Variants in SLC44A5 observed in about 807,000 individuals in gnomAD.
SLC44A5 encodes solute carrier family 44 member 5.
In SLC44A5, 57 loss-of-function variants were observed where a neutral mutation model predicts 101.8. The ratio of observed to expected loss-of-function variants is 0.56; its 90% CI spans 0.45 to 0.70. SLC44A5 has a LOEUF of 0.70. Among genes scored for constraint, SLC44A5 ranks in the 30% least tolerant of loss-of-function variants. SLC44A5 has a pLI of 0.00. For synonymous variants in SLC44A5, 281 were observed against 290.9 expected, an observed-to-expected ratio of 0.97 and a Z score of 0.35; for missense variants, 737 against 853.1, an observed-to-expected ratio of 0.86 and a Z score of 1.70.
At chr1:75,615,758 CACTTGGCCGCGCCTGGATGTAA>C, upstream of SLC44A5, 1 of 745,782 alleles carries the variant, frequency 1.3e-6, no homozygotes, top group Non-Finnish European at 1.6e-6. Flanking sequence ...AGGAGCCTTC[CACTTGGCCGCGCCTGGATGTAA>C]ACAGGCCGGC....
chr1:75,714,521 C>G, the SLC44A5 span, among the ~76,000 whole-genome samples: 8 of 152,128 alleles, frequency 5.3e-5, no homozygotes, highest in African/African-American at 1.9e-4. Context: ...ATAAAAGGCA[C>G]CCAAGTAGAA....
intron 2 of SLC44A5, among the ~76,000 whole-genome samples, chr1:75,509,943 C>T (rs1669474980): frequency 6.6e-6 from 1 of 152,190 alleles, no homozygotes; most frequent in Non-Finnish European, 1.5e-5. Flanking sequence ...CACAGTTCCA[C>T]ATGACTGGGG....
At chr1:75,281,339 A>G (rs928486609) in intron 5 of SLC44A5, among the ~76,000 whole-genome samples, 2 of 152,026 alleles carry the variant, frequency 1.3e-5, no homozygotes, top group African/African-American at 4.8e-5. Context: ...AACTTGAGAG[A>G]GATGATTTAG....
At chr1:75,469,609 C>T (rs1666996535) in intron 2 of SLC44A5, among the ~76,000 whole-genome samples, 1 of 152,056 alleles carries the variant, frequency 6.6e-6, no homozygotes, top group East Asian at 1.9e-4. Context: ...GATAAGGTGT[C>T]CTGGCTTTGA....
intron 4 of SLC44A5, among the ~76,000 whole-genome samples, chr1:75,302,816 C>A (rs1654600268): frequency 6.6e-6 from 1 of 152,134 alleles, no homozygotes; most frequent in Non-Finnish European, 1.5e-5. Context: ...GGCAAAAGGG[C>A]AGGCAGGTTA....
At chr1:75,506,640 G>C (rs1669274204) in intron 2 of SLC44A5, among the ~76,000 whole-genome samples, 1 of 151,950 alleles carries the variant, frequency 6.6e-6, no homozygotes, top group African/African-American at 2.4e-5. Flanking sequence ...TTGACTCTCA[G>C]CTTGAATGTT....
chr1:75,617,967 G>C, the SLC44A5 span, among the ~76,000 whole-genome samples: 6 of 152,164 alleles, frequency 3.9e-5, no homozygotes, highest in African/African-American at 1.4e-4. Context: ...GAGTTGAAAA[G>C]CAGGTCCTGT....
intron 3 of SLC44A5, among the ~76,000 whole-genome samples, chr1:75,376,401 AAG>A (rs969275265): frequency 2.6e-5 from 4 of 152,222 alleles, no homozygotes; most frequent in Non-Finnish European, 2.9e-5. Context: ...GACAAACAAA[AAG>A]ACAGCAGTAA....
intron 1 of SLC44A5, among the ~76,000 whole-genome samples, chr1:75,576,393 C>A (rs1447780022): frequency 6.6e-6 from 1 of 151,846 alleles, no homozygotes; most frequent in Non-Finnish European, 1.5e-5. Context: ...CCACTCACTG[C>A]AAGCTCCACC....
chr1:75,267,858 A>G (rs936389859), intron 6 of SLC44A5, among the ~76,000 whole-genome samples: 1 of 152,116 alleles, frequency 6.6e-6, no homozygotes, highest in Admixed American at 6.5e-5. Context: ...GGCATGAGCC[A>G]CCCTAGCTGG....
At chr1:75,230,425 T>A (rs1647444917) in intron 12 of SLC44A5, among the ~76,000 whole-genome samples, 1 of 151,744 alleles carries the variant, frequency 6.6e-6, no homozygotes, top group East Asian at 2.0e-4. Flanking sequence ...TTTTTATATT[T>A]TTTTTAGCAG....
At chr1:75,504,967 A>G (rs1452870008) in intron 2 of SLC44A5, among the ~76,000 whole-genome samples, 2 of 152,040 alleles carry the variant, frequency 1.3e-5, no homozygotes, top group East Asian at 3.9e-4. Flanking sequence ...ACAGTACCCA[A>G]TAGAGTGGTT....
chr1:75,459,174 G>A (rs1042315283), intron 2 of SLC44A5, among the ~76,000 whole-genome samples: 3 of 152,218 alleles, frequency 2.0e-5, no homozygotes, highest in African/African-American at 4.8e-5. Context: ...AAGGACGTCT[G>A]CTCTAATCCA....
At chr1:75,702,216 A>G in the SLC44A5 span, among the ~76,000 whole-genome samples, 1 of 152,210 alleles carries the variant, frequency 6.6e-6, no homozygotes, top group Non-Finnish European at 1.5e-5. Context: ...TCCTCAGCCA[A>G]AAGAACAAAG....
chr1:75,414,282 T>TATACATACATAC (rs10567313), intron 2 of SLC44A5, among the ~76,000 whole-genome samples: 4 of 148,524 alleles, frequency 2.7e-5, no homozygotes, highest in Non-Finnish European at 5.9e-5. Flanking sequence ...TATACACATA[T>TATACATACATAC]ATACATACAT....
chr1:75,614,840 TG>T (rs1054924094), upstream of SLC44A5, among the ~76,000 whole-genome samples: 5 of 152,076 alleles, frequency 3.3e-5, no homozygotes, highest in African/African-American at 1.2e-4. Context: ...TCACCGCGCA[TG>T]GTGTCGAGCC....
intron 5 of SLC44A5, among the ~76,000 whole-genome samples, chr1:75,297,697 C>A (rs1654074042): frequency 6.6e-6 from 1 of 151,842 alleles, no homozygotes; most frequent in African/African-American, 2.4e-5. Flanking sequence ...TATTTTTTTT[C>A]TAATTAGTAC....
intron 1 of SLC44A5, among the ~76,000 whole-genome samples, chr1:75,569,895 G>A (rs150803805): frequency 1.4e-3 from 211 of 152,302 alleles, no homozygotes; most frequent in East Asian, 4.2e-3. Flanking sequence ...CACTAATACA[G>A]GAGAGGAAAA....
the SLC44A5 span, among the ~76,000 whole-genome samples, chr1:75,627,193 A>G: frequency 1.3e-5 from 2 of 152,160 alleles, no homozygotes; most frequent in East Asian, 1.9e-4. Context: ...TTTACATTAT[A>G]TCTTGATTAT....
Sources: allele counts gnomAD v4.1 joint callset (sites outside exome capture counted in the v4.1 genomes callset), GRCh38; gene constraint gnomAD v4.1.1; transcripts MANE v1.5; gene names NCBI Gene and HGNC (gene_info 2026-07-23, HGNC 2026-07-21).